The following HDDC2 variants were observed in gnomAD, a reference collection of about 807,000 sequenced individuals.
HDDC2 encodes HD domain containing 2, also known as 5'-deoxynucleotidase HDDC2.
HDDC2 carries 25 observed loss-of-function variants against 25.5 expected under a neutral mutation model. That is an observed-to-expected ratio of 0.98 (90% CI 0.72 to 1.37). HDDC2 has a LOEUF of 1.37. Ranked by LOEUF, HDDC2 falls within the 40% of genes most tolerant of loss-of-function variation. HDDC2 has a pLI of 0.00. For synonymous variants in HDDC2, 106 were observed against 89.7 expected (o/e 1.18, Z -1.03); for missense variants, 264 against 253.1 (o/e 1.04, Z -0.29).
At position 125,300,495 on chromosome 6, in the gene HDDC2, A is replaced by G. The variant is rs199555967; in HGVS notation, c.206+43T>C. The G allele has an allele frequency of 1.1e-5, 17 of 1,601,580 alleles. No homozygotes were observed. The Admixed American group carries it at 2.4e-4, about 23-fold the overall frequency. ...GTAGTAAAAACGGGTGCACACCCAT[A>G]GACCAGAATCTCTCACGAGCATCAA... is the stretch of plus-strand genomic sequence containing the variant. On this transcript the variant is annotated intron_variant, in intron 2 of 5. Transcript: ENST00000398153.
At chr6:125,282,999 G>A (rs540081407) in intron 4 of HDDC2, among the ~76,000 whole-genome samples, 34 of 152,338 alleles carry the variant, frequency 2.2e-4, no homozygotes, top group African/African-American at 7.7e-4. Context: ...TGGGATGCAA[G>A]GCTGGTTTAA....
chr6:125,297,108 T>C (rs1798715587), intron 3 of HDDC2, among the ~76,000 whole-genome samples: 1 of 152,224 alleles, frequency 6.6e-6, no homozygotes, highest in African/African-American at 2.4e-5. Context: ...TACCCTTGAA[T>C]AAAACTATCC....
In HDDC2 at chr6:125,277,462, T is replaced by A. The variant is rs1391742033; in HGVS notation, c.379-222A>T. 7.9e-5 allele frequency: 36 copies of A among 453,980 alleles called. No individual in the cohort carries two copies. The Admixed American group carries it at 1.3e-3, about 16-fold the overall frequency. The allele number at this position is 453,980 out of a possible 1,614,324, so 28.1% of individuals were successfully genotyped here. A position where few individuals can be genotyped will look rare whatever the true frequency, so the allele number is the denominator to read the frequency against. On this transcript the variant is annotated intron_variant, in intron 4 of 5. Transcript: ENST00000398153. ...AAGATGTGCTCTCCATTCTAAGTAT[T>A]CTACCAGAAGCCATGGAAATCTTGT...
intron 2 of HDDC2, among the ~76,000 whole-genome samples, chr6:125,299,784 G>C (rs762872809): frequency 6.6e-6 from 1 of 152,160 alleles, no homozygotes; most frequent in Non-Finnish European, 1.5e-5. Context: ...CAGTCAAGTT[G>C]ATTAATTTCT....
intron 4 of HDDC2, among the ~76,000 whole-genome samples, chr6:125,286,783 A>G (rs959471168): frequency 1.3e-5 from 2 of 152,238 alleles, no homozygotes; most frequent in Non-Finnish European, 2.9e-5. Flanking sequence ...TCGAAGAAGC[A>G]TATTTACCCC....
Position 125,300,575 on chromosome 6 carries a change from C to A in HDDC2, c.169G>T (p.Ala57Ser). Reference protein sequence around the residue: ...SDHMYRMAVMAMVIKDDRLNK... With the variant: ...SDHMYRMAVMSMVIKDDRLNK... ...AGACGGTCATCTTTGATCACCATAG[C>A]CATAACTGCCATCCGGTACATGTGA... Residue 57 changes from alanine to serine, a missense_variant, in exon 2 of 6, where the codon GCT (alanine) becomes TCT (serine). Ala to Ser is a moderately conservative substitution (Grantham distance 99, BLOSUM62 1). Transcript: ENST00000398153. The A allele has an allele frequency of 1.2e-6, 2 of 1,614,192 alleles. No homozygotes were observed. The highest frequency in any genetic ancestry group is 1.7e-6 in the Non-Finnish European group (2 of 1,180,022).
chr6:125,291,823 C>T (rs113460313), intron 4 of HDDC2, among the ~76,000 whole-genome samples: 24 of 152,270 alleles, frequency 1.6e-4, no homozygotes, highest in African/African-American at 5.3e-4. Context: ...TTTCATCCCA[C>T]CATCAACCCA....
At chr6:125,293,064 G>C in intron 3 of HDDC2, 155 bp from the exon 4 acceptor site, 2 of 710,808 alleles carry the variant, frequency 2.8e-6, no homozygotes, top group Non-Finnish European at 2.6e-6. Flanking sequence ...TAGCTTGTGA[G>C]GAAGGCAGGC....
chr6:125,286,755 G>A (rs765510680), intron 4 of HDDC2, among the ~76,000 whole-genome samples: 4 of 152,094 alleles, frequency 2.6e-5, no homozygotes, highest in Non-Finnish European at 4.4e-5. Context: ...AAGCTGGAAC[G>A]CCCTGCCATT....
chr6:125,292,928 A>G lies in HDDC2; in HGVS notation c.310-19T>C, dbSNP rs2115113573. 1 of 1,559,412 alleles carries G rather than the reference A, an allele frequency of 6.4e-7. No homozygotes were observed. The highest frequency in any genetic ancestry group is 1.1e-5 in the South Asian group (1 of 89,980). The stretch of plus-strand genomic sequence containing the variant: ...TAGCTTCCTGAAATATTAAACCATT[A>G]TCTTTAATTATATTGACATTTATCA... On this transcript the variant is annotated intron_variant, in intron 3 of 5. Transcript: ENST00000398153.
intron 3 of HDDC2, among the ~76,000 whole-genome samples, chr6:125,295,900 T>A (rs184982940): frequency 3.9e-5 from 6 of 152,172 alleles, no homozygotes; most frequent in Admixed American, 2.0e-4. Context: ...TCAACCTGCA[T>A]AATATCAAGT....
At chr6:125,301,760 GA>G in intron 1 of HDDC2, 88 bp downstream of exon 1, 1 of 978,412 alleles carries the variant, frequency 1.0e-6, no homozygotes. Flanking sequence ...GAAGGGCAAA[GA>G]CCGCCGGCCG....
intron 4 of HDDC2, among the ~76,000 whole-genome samples, chr6:125,282,766 C>T (rs1798477500): frequency 6.6e-6 from 1 of 152,130 alleles, no homozygotes; most frequent in South Asian, 2.1e-4. Context: ...ATTCAGGAGA[C>T]CCATCTTACG....
intron 4 of HDDC2, among the ~76,000 whole-genome samples, chr6:125,287,767 T>C (rs1272928305): frequency 6.6e-6 from 1 of 151,526 alleles, no homozygotes; most frequent in Admixed American, 6.6e-5. Flanking sequence ...AGGGGAACAT[T>C]TGAAAAAAGA....
chr6:125,297,923 ACTTTT>A (rs1275610085), intron 3 of HDDC2, among the ~76,000 whole-genome samples: 2 of 152,320 alleles, frequency 1.3e-5, no homozygotes, highest in South Asian at 2.1e-4. Flanking sequence ...CAAATACTTG[ACTTTT>A]CTTTACCTTC....
chr6:125,278,728 A>G (rs1411116487), intron 4 of HDDC2: 1 of 152,212 alleles, frequency 6.6e-6, no homozygotes, highest in Non-Finnish European at 1.5e-5. Flanking sequence ...TTGGAAGCAG[A>G]GAAATCAGAT....
intron 4 of HDDC2, chr6:125,279,375 G>A (rs1798422006): frequency 6.6e-6 from 1 of 152,078 alleles, no homozygotes. Flanking sequence ...TAACACAGAT[G>A]AAGAAAAGAC....
At position 125,278,584 on chromosome 6, in the gene HDDC2, A is replaced by G. The variant is rs78789746; in HGVS notation, c.379-1344T>C. 2.3e-4 allele frequency: 35 copies of G among 152,350 alleles called. No individual in the cohort carries two copies. The East Asian group carries it at 5.8e-3, about 25-fold the overall frequency. The allele number at this position is 152,350 out of a possible 1,614,324, so 9.4% of individuals were successfully genotyped here. On this transcript the variant is annotated intron_variant, in intron 4 of 5. Transcript: ENST00000398153. ...CAAAGCACACAAAATAATACTACAG[A>G]CAGAACTCTAGGGGTGAGAAGAATG...
chr6:125,280,539 C>G (rs566377916), intron 4 of HDDC2, among the ~76,000 whole-genome samples: 3 of 152,200 alleles, frequency 2.0e-5, no homozygotes, highest in Non-Finnish European at 2.9e-5. Flanking sequence ...CTGGGACACT[C>G]GAGCTTGGTA....
Sources: gnomAD v4.1 joint callset for allele counts (sites outside exome capture counted in the v4.1 genomes callset) on GRCh38, gnomAD v4.1.1 for gene constraint, MANE v1.5 for transcripts, NCBI Gene and HGNC (gene_info 2026-07-23, HGNC 2026-07-21) for gene names.